The following ZNF516 variants were observed in gnomAD, a reference collection of about 807,000 sequenced individuals.
ZNF516 encodes zinc finger protein 516.
In ZNF516, 19 loss-of-function variants were observed where a neutral mutation model predicts 79.7. That is an observed-to-expected ratio of 0.24 (90% CI 0.17 to 0.35). The LOEUF is 0.35. ZNF516 is among the 10% of genes least tolerant of loss of function. The pLI is 1.00. For missense variants in ZNF516, 1,678 were observed against 1,679.5 expected (o/e 1.00, Z 0.02); for synonymous variants, 877 against 739.5 (o/e 1.19, Z -3.02).
chr18:76,418,212 A>G (rs148774144), intron 3 of ZNF516, among the ~76,000 whole-genome samples: 4 of 152,110 alleles, frequency 2.6e-5, no homozygotes, highest in East Asian at 3.9e-4. Context: ...AACACACGCT[A>G]TAACACACTG....
rs117415096 is a variant in ZNF516, at chr18:76,420,885, G to A, written c.1810+20360C>T. 1.9e-3 allele frequency among the ~76,000 whole-genome samples: 296 copies of A among 152,306 alleles called. 2 individuals are homozygous for A. In the East Asian group the frequency reaches 0.024, roughly 13 times the overall value. On this transcript the variant is annotated intron_variant, in intron 3 of 6. Coordinates refer to ENST00000443185, the MANE Select transcript of ZNF516 (RefSeq NM_014643.4). ...ATCCACAATATCAATAAGTGTAACT[G>A]AATTTCCTTAGTGATGTCTTTTGAA...
chr18:76,435,623 A>C (rs1383593163), intron 3 of ZNF516, among the ~76,000 whole-genome samples: 1 of 152,198 alleles, frequency 6.6e-6, no homozygotes, highest in Non-Finnish European at 1.5e-5. Context: ...CTGGAAGAAC[A>C]CTGCTGCATT....
At chr18:76,370,625 C>T in intron 5 of ZNF516, 30 bp from the exon 6 acceptor site, 2 of 1,567,154 alleles carry the variant, frequency 1.3e-6, no homozygotes, top group East Asian at 4.6e-5. Flanking sequence ...GTTAACAGAT[C>T]AGCGTGTGAG....
At chr18:76,488,884 C>T (rs978005340) in intron 1 of ZNF516, among the ~76,000 whole-genome samples, 3 of 152,174 alleles carry the variant, frequency 2.0e-5, no homozygotes, top group Admixed American at 6.5e-5. Flanking sequence ...TAGTAATAAG[C>T]GAAATACCAC....
At chr18:76,411,932 G>T (rs1255467549) in intron 3 of ZNF516, among the ~76,000 whole-genome samples, 1 of 152,086 alleles carries the variant, frequency 6.6e-6, no homozygotes, top group East Asian at 1.9e-4. Context: ...AAGCACATAG[G>T]TCATCTTAAC....
chr18:76,417,029 G>A lies in ZNF516; in HGVS notation c.1810+24216C>T, dbSNP rs140282022. On this transcript the variant is annotated intron_variant, in intron 3 of 6. Coordinates refer to ENST00000443185, the MANE Select transcript of ZNF516 (RefSeq NM_014643.4). The stretch of plus-strand genomic sequence containing the variant: ...AACTTGGAGAATACAGGGTCAGGGC[G>A]ATCTGGGATATTGAGAAATAAACAG... Among the ~76,000 whole-genome samples the A allele has an allele frequency of 9.5e-4, 145 of 152,310 alleles. 1 individual carries two copies. The highest frequency in any genetic ancestry group is 3.1e-3 in the African/African-American group (129 of 41,562).
chr18:76,491,879 T>C (rs982736278), intron 1 of ZNF516, among the ~76,000 whole-genome samples: 2 of 151,888 alleles, frequency 1.3e-5, no homozygotes, highest in African/African-American at 2.4e-5. Context: ...CGCCGGCTCC[T>C]GAGATTGGGG....
chr18:76,403,212 C>T (rs2075254656), intron 3 of ZNF516, among the ~76,000 whole-genome samples: 1 of 152,230 alleles, frequency 6.6e-6, no homozygotes, highest in Admixed American at 6.5e-5. Context: ...GTCCATACAA[C>T]AGTACTATAC....
At chr18:76,366,293 T>C (rs2074610525) in intron 6 of ZNF516, among the ~76,000 whole-genome samples, 2 of 152,336 alleles carry the variant, frequency 1.3e-5, no homozygotes, top group Admixed American at 6.5e-5. Flanking sequence ...TTTTCCAGTA[T>C]AGAATATTCA....
At chr18:76,391,050 A>C (rs1242811138) in intron 3 of ZNF516, among the ~76,000 whole-genome samples, 1 of 152,148 alleles carries the variant, frequency 6.6e-6, no homozygotes, top group Non-Finnish European at 1.5e-5. Flanking sequence ...CGAGGGAAGG[A>C]ACCCAGGCAC....
At chr18:76,437,104 C>CACACA (rs1568289788) in intron 3 of ZNF516, among the ~76,000 whole-genome samples, 1 of 28,164 alleles carries the variant, frequency 3.6e-5, no homozygotes, top group Non-Finnish European at 7.8e-5. Context: ...ACACACATAC[C>CACACA]GTCTCTCACC....
intron 3 of ZNF516, among the ~76,000 whole-genome samples, chr18:76,430,087 C>G (rs2145445807): frequency 6.6e-6 from 1 of 152,292 alleles, no homozygotes; most frequent in East Asian, 1.9e-4. Context: ...CCTGGGCCAC[C>G]TTCTGGGGGC....
intron 3 of ZNF516, among the ~76,000 whole-genome samples, chr18:76,425,951 G>C (rs543349716): frequency 1.3e-5 from 2 of 152,198 alleles, no homozygotes; most frequent in African/African-American, 4.8e-5. Flanking sequence ...TGCTCTTCGC[G>C]GCACAGGGAA....
Position 76,441,248 on chromosome 18 carries a change from G to A in ZNF516, c.1807C>T (p.Pro603Ser), listed in dbSNP as rs1159130541. The A allele has an allele frequency of 1.9e-6, 3 of 1,609,052 alleles. No homozygotes were observed. The highest frequency in any genetic ancestry group is 2.7e-5 in the African/African-American group (2 of 74,820). ...SGEEGAPEPAPGGQPRRCCFS... is the reference protein window; with the variant it reads ...SGEEGAPEPASGGQPRRCCFS... ...CCACCTGGGTACACTTGCTCACCTG[G>A]TGCAGGTTCAGGGGCGCCCTCCTCA... Residue 603 changes from proline (P) to serine (S), a missense_variant, in exon 3 of 7, where the codon CCA becomes TCA. By Grantham distance (74) the Pro-to-Ser change is moderately conservative (BLOSUM62 -1). Transcript: ENST00000443185.
intron 1 of ZNF516, among the ~76,000 whole-genome samples, chr18:76,478,150 C>T (rs1323109626): frequency 6.6e-6 from 1 of 152,088 alleles, no homozygotes; most frequent in Non-Finnish European, 1.5e-5. Flanking sequence ...ATTTTCAGGA[C>T]AAATGAGAGA....
intron 1 of ZNF516, chr18:76,492,206 G>C (rs1915270984): frequency 2.0e-6 from 2 of 985,346 alleles, no homozygotes; most frequent in South Asian, 4.7e-5. Flanking sequence ...GCTCCCGGAA[G>C]ACACCGCGTC....
At chr18:76,365,586 A>T (rs977743598) in intron 6 of ZNF516, among the ~76,000 whole-genome samples, 2 of 152,216 alleles carry the variant, frequency 1.3e-5, no homozygotes, top group Non-Finnish European at 2.9e-5. Context: ...TGCTAAATGG[A>T]TGACCAAGCA....
At chr18:76,483,731 T>A (rs1450256712) in intron 1 of ZNF516, among the ~76,000 whole-genome samples, 1 of 152,170 alleles carries the variant, frequency 6.6e-6, no homozygotes, top group Non-Finnish European at 1.5e-5. Flanking sequence ...CACTCTGTAT[T>A]TACTCTCTTA....
intron 1 of ZNF516, among the ~76,000 whole-genome samples, chr18:76,477,621 A>T (rs1914250402): frequency 6.6e-6 from 1 of 152,154 alleles, no homozygotes; most frequent in African/African-American, 2.4e-5. Flanking sequence ...GCAATTTTAT[A>T]CTTTAAATCC....
Sources: gnomAD v4.1 joint callset for allele counts (sites outside exome capture counted in the v4.1 genomes callset) on GRCh38, gnomAD v4.1.1 for gene constraint, MANE v1.5 for transcripts, NCBI Gene and HGNC (gene_info 2026-07-23, HGNC 2026-07-21) for gene names.